Variants in SLC22A25 observed in about 807,000 individuals in gnomAD.
SLC22A25 encodes MGI:2442751, MGI:2385316, MGI:3042283, MGI:3645714, MGI:3605624, MGI:2442750.
Under a neutral mutation model 45.9 loss-of-function variants are expected in SLC22A25, and 44 were observed. The observed-to-expected ratio is 0.96, with a 90% CI of 0.75 to 1.23. The LOEUF is 1.23. Among genes scored for constraint, SLC22A25 ranks in the 50% most tolerant of loss-of-function variants. The pLI, the probability that SLC22A25 is intolerant of heterozygous loss-of-function variation, is 0.00. For synonymous variants in SLC22A25, 283 were observed against 238.6 expected, an observed-to-expected ratio of 1.19 and a Z score of -1.72; for missense variants, 800 against 666.4, an observed-to-expected ratio of 1.20 and a Z score of -2.21.
At chr11:63,226,994 C>G (rs1014636745) in intron 5 of SLC22A25, among the ~76,000 whole-genome samples, 1 of 152,110 alleles carries the variant, frequency 6.6e-6, no homozygotes, top group Admixed American at 6.5e-5. Context: ...GTTTGGTCAG[C>G]TTGTGGTGAA....
At position 63,229,313 on chromosome 11, in the gene SLC22A25, C is replaced by G. The variant is rs2090023911; in HGVS notation, c.340G>C (p.Glu114Gln). The change falls in exon 4 of 12, where the codon GAG becomes CAG. Residue 114 changes from glutamate (E) to glutamine (Q), a missense_variant. Physicochemically the swap from Glu to Gln is conservative, Grantham distance 29 (BLOSUM62 2). Transcript: ENST00000306494. ...TATACCCAGCCATCCACACAGGGCTCTGTATCTGGCTCACTCGTGTTGGGG... is the reference window on the plus strand; with the variant it reads ...TATACCCAGCCATCCACACAGGGCTGTGTATCTGGCTCACTCGTGTTGGGG... ...TFPNTSEPDT[E>Q]PCVDGWVYDQ... The G allele has an allele frequency of 6.2e-7, 1 of 1,608,090 alleles. No individual in the cohort carries two copies.
Position 63,164,516 on chromosome 11 carries a change from AC to A in SLC22A25, c.1394+9del. On this transcript the variant is annotated intron_variant, in intron 11 of 11. Transcript: ENST00000306494. ...TTTGAGAATGACAGAGCACACATAAACTTTTGTACCTGATTATGGAAGGAAT... is the reference window on the plus strand; with the variant it reads ...TTTGAGAATGACAGAGCACACATAAATTTTGTACCTGATTATGGAAGGAAT... The A allele has an allele frequency of 6.2e-7, 1 of 1,609,746 alleles. No homozygotes were observed. Among genetic ancestry groups the A allele is most frequent in the Non-Finnish European group, 8.5e-7 (1 of 1,176,286 alleles).
intron 7 of SLC22A25, among the ~76,000 whole-genome samples, chr11:63,184,659 A>C (rs780593064): frequency 6.6e-6 from 1 of 152,144 alleles, no homozygotes; most frequent in Admixed American, 6.6e-5. Context: ...CTATCATCCA[A>C]TATCACCTAC....
At chr11:63,191,133 C>A (rs1180161939) in intron 7 of SLC22A25, among the ~76,000 whole-genome samples, 1 of 152,204 alleles carries the variant, frequency 6.6e-6, no homozygotes, top group East Asian at 1.9e-4. Context: ...TGGCTATACC[C>A]TGCCCTGAGA....
At chr11:63,198,223 G>A (rs533976890) in intron 7 of SLC22A25, among the ~76,000 whole-genome samples, 4 of 152,204 alleles carry the variant, frequency 2.6e-5, no homozygotes, top group South Asian at 4.2e-4. Context: ...CCCATTACTG[G>A]GTATATATCC....
chr11:63,185,161 A>G (rs2088479212), intron 7 of SLC22A25, among the ~76,000 whole-genome samples: 1 of 152,124 alleles, frequency 6.6e-6, no homozygotes, highest in African/African-American at 2.4e-5. Context: ...TTATACTTTA[A>G]GGTTTAGGGT....
At chr11:63,164,706 GAA>G (rs1234879772) in intron 10 of SLC22A25, 72 bp from the exon 11 acceptor site, 1 of 1,224,560 alleles carries the variant, frequency 8.2e-7, no homozygotes, top group Non-Finnish European at 1.2e-6. Context: ...AGGTAGAAGT[GAA>G]AAGGACTGCT....
chr11:63,228,669 G>T (rs1242379915), intron 4 of SLC22A25, 105 bp from the exon 5 acceptor site: 2 of 808,942 alleles, frequency 2.5e-6, no homozygotes, highest in South Asian at 1.8e-5. Context: ...TTCCTCCCTA[G>T]CTTCCCTTTT....
intron 7 of SLC22A25, among the ~76,000 whole-genome samples, chr11:63,204,387 C>T (rs922078748): frequency 6.6e-6 from 1 of 152,168 alleles, no homozygotes; most frequent in African/African-American, 2.4e-5. Context: ...AGTCAAGACC[C>T]ATCTGTGTGC....
At chr11:63,223,520 CT>C (rs2089897325) in intron 5 of SLC22A25, among the ~76,000 whole-genome samples, 6 of 151,624 alleles carry the variant, frequency 4.0e-5, no homozygotes, top group African/African-American at 1.5e-4. Flanking sequence ...TCTCTTTTTT[CT>C]TAGTCTAGCT....
chr11:63,229,092 G>A (rs371062211), intron 4 of SLC22A25, among the ~76,000 whole-genome samples, 159 bp downstream of exon 4: 1 of 152,224 alleles, frequency 6.6e-6, no homozygotes, highest in Non-Finnish European at 1.5e-5. Flanking sequence ...CTCATTAAAT[G>A]TGCAGGTATC....
chr11:63,177,931 G>T (rs2088173584), intron 9 of SLC22A25, among the ~76,000 whole-genome samples: 1 of 100,382 alleles, frequency 1.0e-5, no homozygotes, highest in Non-Finnish European at 2.2e-5. Flanking sequence ...TTTTTGACAG[G>T]GTCTCACTCT....
intron 9 of SLC22A25, 129 bp from the exon 10 acceptor site, chr11:63,166,387 T>C (rs1590770867): frequency 6.9e-7 from 1 of 1,452,542 alleles, no homozygotes; most frequent in East Asian, 2.5e-5. Context: ...TTGTGGAATA[T>C]TTTCTTGCAA....
At chr11:63,237,711 G>C (rs560996872) in intron 3 of SLC22A25, among the ~76,000 whole-genome samples, 170 bp downstream of exon 3, 5 of 152,248 alleles carry the variant, frequency 3.3e-5, no homozygotes, top group South Asian at 2.1e-4. Context: ...TGTCATTTCT[G>C]TGTCTTGTAC....
intron 8 of SLC22A25, among the ~76,000 whole-genome samples, chr11:63,183,265 A>G (rs745891123): frequency 2.6e-5 from 4 of 152,126 alleles, no homozygotes; most frequent in Admixed American, 2.6e-4. Flanking sequence ...ATCTTGAATG[A>G]AAGAATATAT....
In SLC22A25 at chr11:63,229,517, C is replaced by G. The variant is rs919021139; in HGVS notation, c.136G>C (p.Asp46His). Residue 46 changes from aspartate (D) to histidine (H), a missense_variant, in exon 4 of 12, where the codon GAT becomes CAT. Physicochemically the swap from Asp to His is moderately conservative, Grantham distance 81. Coordinates refer to ENST00000306494, the MANE Select transcript of SLC22A25 (RefSeq NM_199352.6). The stretch of plus-strand genomic sequence containing the variant: ...AGTATATGAACCCAGCAGCGATGAT[C>G]AAGTATGAATGCTGCGAAGTTCTCC... ...QLENFAAFIL[D>H]HRCWVHILDN... 2 of 1,614,102 alleles carry G rather than the reference C, an allele frequency of 1.2e-6. No individual in the cohort carries two copies. The highest frequency in any genetic ancestry group is 2.7e-5 in the African/African-American group (2 of 75,036).
chr11:63,233,946 T>C (rs2090117647), intron 3 of SLC22A25, among the ~76,000 whole-genome samples: 1 of 152,228 alleles, frequency 6.6e-6, no homozygotes, highest in African/African-American at 2.4e-5. Flanking sequence ...TTGAGCAGTT[T>C]TGAGTGAGTT....
intron 7 of SLC22A25, among the ~76,000 whole-genome samples, chr11:63,204,826 A>G (rs1276271397): frequency 6.6e-6 from 1 of 152,246 alleles, no homozygotes; most frequent in Non-Finnish European, 1.5e-5. Flanking sequence ...AGACATCTAC[A>G]GAACTCTTCA....
chr11:63,164,724 G>A, intron 10 of SLC22A25, 90 bp from the exon 11 acceptor site: 4 of 997,058 alleles, frequency 4.0e-6, no homozygotes, highest in South Asian at 4.0e-5. Flanking sequence ...CTGCTTTGGA[G>A]GTGTTTCCAG....
Sources: gnomAD v4.1 joint callset for allele counts (sites outside exome capture counted in the v4.1 genomes callset) on GRCh38, gnomAD v4.1.1 for gene constraint, MANE v1.5 for transcripts, NCBI Gene and HGNC (gene_info 2026-07-23, HGNC 2026-07-21) for gene names.